The following ROBO1 variants were observed in gnomAD, a reference collection of about 807,000 sequenced individuals.
ROBO1 encodes the protein roundabout guidance receptor 1.
Under a neutral mutation model 195.9 loss-of-function variants are expected in ROBO1, and 149 were observed. The ratio of observed to expected loss-of-function variants is 0.76; its 90% CI spans 0.67 to 0.87. ROBO1 has a LOEUF of 0.87. ROBO1 is among the 40% of genes least tolerant of loss of function. The pLI is 0.00. For missense variants in ROBO1, 1,933 were observed against 2,068.3 expected, an observed-to-expected ratio of 0.93 and a Z score of 1.27; for synonymous variants, 816 against 733.2, an observed-to-expected ratio of 1.11 and a Z score of -1.82.
intron 4 of ROBO1, among the ~76,000 whole-genome samples, chr3:78,885,554 A>T (rs1488311454): frequency 4.6e-5 from 7 of 151,908 alleles, no homozygotes; most frequent in Middle Eastern, 3.2e-3. Context: ...TAAAGTAATA[A>T]CAATAACAAT....
intron 1 of ROBO1, among the ~76,000 whole-genome samples, chr3:79,655,105 CTCT>C (rs1007134652): frequency 1.3e-5 from 2 of 151,996 alleles, no homozygotes; most frequent in African/African-American, 4.8e-5. Flanking sequence ...ATTAGTTCCC[CTCT>C]TCTTTAGTAA....
chr3:79,328,927 GAAT>G (rs2034325243), intron 2 of ROBO1, among the ~76,000 whole-genome samples: 1 of 152,116 alleles, frequency 6.6e-6, no homozygotes, highest in African/African-American at 2.4e-5. Context: ...ACTTAACTTA[GAAT>G]AATGGTTTTC....
At chr3:78,689,620 C>G (rs1044241328) in intron 8 of ROBO1, among the ~76,000 whole-genome samples, 1 of 151,838 alleles carries the variant, frequency 6.6e-6, no homozygotes, top group African/African-American at 2.4e-5. Context: ...TACACTTTTC[C>G]AATTCATTTC....
intron 4 of ROBO1, among the ~76,000 whole-genome samples, chr3:78,775,352 G>T (rs1458291599): frequency 6.6e-6 from 1 of 152,090 alleles, no homozygotes; most frequent in Non-Finnish European, 1.5e-5. Context: ...ATAGGAAAAT[G>T]TGCTTTTCTA....
intron 2 of ROBO1, among the ~76,000 whole-genome samples, chr3:79,315,694 T>A (rs1373244115): frequency 6.6e-6 from 1 of 152,210 alleles, no homozygotes; most frequent in East Asian, 1.9e-4. Flanking sequence ...AAATTCAAAG[T>A]ATCTACCAGA....
intron 1 of ROBO1, among the ~76,000 whole-genome samples, chr3:79,659,283 A>T (rs1367202364): frequency 1.3e-5 from 2 of 152,132 alleles, no homozygotes; most frequent in African/African-American, 4.8e-5. Flanking sequence ...AAATATCTTC[A>T]GAACTTCATC....
intron 1 of ROBO1, among the ~76,000 whole-genome samples, chr3:79,665,139 A>T (rs1010837407): frequency 3.3e-5 from 5 of 151,952 alleles, no homozygotes; most frequent in African/African-American, 1.2e-4. Flanking sequence ...AAGTATAATT[A>T]TAATAACACA....
chr3:79,264,065 C>T (rs1026316311), intron 2 of ROBO1, among the ~76,000 whole-genome samples: 1 of 151,962 alleles, frequency 6.6e-6, no homozygotes, highest in African/African-American at 2.4e-5. Flanking sequence ...TTCACACATG[C>T]CCTATTGGAA....
chr3:79,705,233 C>G (rs894201746), intron 1 of ROBO1, among the ~76,000 whole-genome samples: 1 of 151,762 alleles, frequency 6.6e-6, no homozygotes, highest in Non-Finnish European at 1.5e-5. Flanking sequence ...ATAAATTGTG[C>G]CTTTGATGTT....
At chr3:79,384,767 A>G (rs2036681772) in intron 2 of ROBO1, among the ~76,000 whole-genome samples, 1 of 152,180 alleles carries the variant, frequency 6.6e-6, no homozygotes, top group South Asian at 2.1e-4. Flanking sequence ...CACGTTTTTA[A>G]AAGTATCTCT....
At chr3:79,480,328 T>C (rs1002174570) in intron 2 of ROBO1, among the ~76,000 whole-genome samples, 4 of 152,196 alleles carry the variant, frequency 2.6e-5, no homozygotes, top group African/African-American at 7.2e-5. Context: ...GAATATATTA[T>C]TCAAATGAAT....
At chr3:79,648,328 G>A (rs540430460) in intron 1 of ROBO1, among the ~76,000 whole-genome samples, 4 of 152,060 alleles carry the variant, frequency 2.6e-5, no homozygotes, top group African/African-American at 4.8e-5. Context: ...ACTTGACTCC[G>A]CTGCAGTAAA....
At chr3:79,135,538 A>C (rs978286464) in intron 2 of ROBO1, among the ~76,000 whole-genome samples, 1 of 152,252 alleles carries the variant, frequency 6.6e-6, no homozygotes, top group Non-Finnish European at 1.5e-5. Flanking sequence ...TTAAGGCATG[A>C]GATATCATAT....
intron 2 of ROBO1, among the ~76,000 whole-genome samples, chr3:79,523,461 C>CTTTT (rs11357931): frequency 7.4e-6 from 1 of 134,818 alleles, no homozygotes. Context: ...ATTTTTCTTT[C>CTTTT]TTTTTTTTTT....
intron 2 of ROBO1, among the ~76,000 whole-genome samples, chr3:79,391,931 T>G (rs1184376126): frequency 6.6e-6 from 1 of 152,192 alleles, no homozygotes; most frequent in East Asian, 1.9e-4. Flanking sequence ...CTCCCTCGAT[T>G]TGTATCCAAA....
At chr3:78,657,063 A>T (rs772337055) in intron 18 of ROBO1, 35 bp downstream of exon 18, 8 of 1,551,562 alleles carry the variant, frequency 5.2e-6, no homozygotes, top group South Asian at 3.7e-5. Flanking sequence ...TGGTAGAGTG[A>T]GAGATTGTCA....
chr3:79,584,514 G>A (rs953664947), intron 2 of ROBO1, among the ~76,000 whole-genome samples: 2 of 151,344 alleles, frequency 1.3e-5, no homozygotes, highest in Non-Finnish European at 2.9e-5. Context: ...AGCAGAGTGG[G>A]AGGAAAATAA....
At chr3:79,093,740 T>C (rs1320683898) in intron 3 of ROBO1, among the ~76,000 whole-genome samples, 2 of 152,056 alleles carry the variant, frequency 1.3e-5, no homozygotes, top group African/African-American at 4.8e-5. Flanking sequence ...ATACAGAAGT[T>C]GTACCCATTA....
intron 2 of ROBO1, among the ~76,000 whole-genome samples, chr3:79,494,710 CAAA>C (rs1939638163): frequency 6.6e-6 from 1 of 151,450 alleles, no homozygotes; most frequent in Non-Finnish European, 1.5e-5. Context: ...TTGGTTTCCA[CAAA>C]AAAAGTGTAC....
Sources: gnomAD v4.1 joint callset for allele counts (sites outside exome capture counted in the v4.1 genomes callset) on GRCh38, gnomAD v4.1.1 for gene constraint, MANE v1.5 for transcripts, NCBI Gene and HGNC (gene_info 2026-07-23, HGNC 2026-07-21) for gene names.